Variants in CAMTA1 observed in about 807,000 individuals in gnomAD.
CAMTA1 encodes the protein calmodulin binding transcription activator 1.
In CAMTA1, 27 loss-of-function variants were observed where a neutral mutation model predicts 170.9. That is an observed-to-expected ratio of 0.16 (90% CI 0.12 to 0.22). CAMTA1 has a LOEUF of 0.22. Ranked by LOEUF, CAMTA1 falls within the 10% of genes least tolerant of loss-of-function variation. The pLI is 1.00. For missense variants in CAMTA1, 1,619 were observed against 2,217.2 expected, an observed-to-expected ratio of 0.73 and a Z score of 5.42; for synonymous variants, 833 against 891.5, an observed-to-expected ratio of 0.93 and a Z score of 1.17.
chr1:7,338,664 C>T lies in CAMTA1; in HGVS notation c.438+89038C>T, dbSNP rs144174581. Among the ~76,000 whole-genome samples the T allele has an allele frequency of 6.4e-3, 971 of 152,170 alleles. 9 individuals are homozygous for T. Among genetic ancestry groups the T allele is most frequent in the African/African-American group, 0.022 (933 of 41,494 alleles). Reference sequence around the variant, plus strand: ...AGCGATTTTCAAGTTGGTGTGTGTGCCACGAGAAAGAAAAAAAGTAGGATA... The same window carrying T: ...AGCGATTTTCAAGTTGGTGTGTGTGTCACGAGAAAGAAAAAAAGTAGGATA... On this transcript the variant is annotated intron_variant, in intron 5 of 22. Coordinates refer to ENST00000303635, the MANE Select transcript of CAMTA1 (RefSeq NM_015215.4).
chr1:7,690,689 C>G (rs541458311), intron 11 of CAMTA1, among the ~76,000 whole-genome samples: 4 of 152,262 alleles, frequency 2.6e-5, no homozygotes, highest in Non-Finnish European at 5.9e-5. Flanking sequence ...CCATGAAGTA[C>G]TGATGTGTAC....
At chr1:7,610,085 C>T (rs1576382836) in intron 6 of CAMTA1, among the ~76,000 whole-genome samples, 2 of 152,140 alleles carry the variant, frequency 1.3e-5, no homozygotes, top group South Asian at 2.1e-4. Flanking sequence ...GATTCTGCAA[C>T]GGAGAAGCAT....
At chr1:7,199,595 G>A (rs1224095189) in intron 4 of CAMTA1, among the ~76,000 whole-genome samples, 1 of 152,166 alleles carries the variant, frequency 6.6e-6, no homozygotes, top group Non-Finnish European at 1.5e-5. Context: ...CAAGGCAGCG[G>A]TGGGCACGCC....
intron 11 of CAMTA1, among the ~76,000 whole-genome samples, chr1:7,695,080 C>T (rs957448513): frequency 6.6e-6 from 1 of 152,194 alleles, no homozygotes; most frequent in African/African-American, 2.4e-5. Context: ...TGGTCTGGGT[C>T]ACCCAGGAGA....
At chr1:6,947,373 T>G (rs1242918742) in intron 3 of CAMTA1, among the ~76,000 whole-genome samples, 1 of 151,830 alleles carries the variant, frequency 6.6e-6, no homozygotes, top group African/African-American at 2.4e-5. Context: ...TTCCATTGTC[T>G]TTAATTTTTT....
intron 6 of CAMTA1, among the ~76,000 whole-genome samples, chr1:7,502,057 G>A (rs1372805680): frequency 1.3e-5 from 2 of 152,248 alleles, no homozygotes; most frequent in East Asian, 3.8e-4. Flanking sequence ...AAGCAGCAAG[G>A]CGCCTGCTGG....
chr1:7,276,303 A>ATATTTTTTTTTTTTTT, intron 5 of CAMTA1, among the ~76,000 whole-genome samples: 3 of 24,228 alleles, frequency 1.2e-4, no homozygotes, highest in Admixed American at 6.5e-4. Context: ...ATATATATAT[A>ATATTTTTTTTTTTTTT]TTTTTTTTTT....
At chr1:7,746,574 G>A (rs2150113680) in intron 18 of CAMTA1, among the ~76,000 whole-genome samples, 1 of 152,264 alleles carries the variant, frequency 6.6e-6, no homozygotes, top group South Asian at 2.1e-4. Context: ...CTGGGACAAG[G>A]GCCCATCCAT....
At chr1:7,170,983 T>G (rs1649483581) in intron 4 of CAMTA1, among the ~76,000 whole-genome samples, 1 of 152,184 alleles carries the variant, frequency 6.6e-6, no homozygotes, top group South Asian at 2.1e-4. Flanking sequence ...GTTAATCATG[T>G]TATTCAAATT....
rs577432829 is a variant in CAMTA1 at position 7,561,445 on chromosome 1, G to C, written c.511-78955G>C. Among the ~76,000 whole-genome samples, 1 of 151,900 alleles carries C rather than the reference G, an allele frequency of 6.6e-6. No homozygotes were observed. The highest frequency in any genetic ancestry group is 2.1e-4 in the South Asian group (1 of 4,816). On this transcript the variant is annotated intron_variant, in intron 6 of 22. Coordinates refer to ENST00000303635, the MANE Select transcript of CAMTA1 (RefSeq NM_015215.4). This position sits in a 1 kb window ranked among gnomAD's most constrained non-coding sequence, Gnocchi z 5.3. The stretch of plus-strand genomic sequence containing the variant: ...GGAGTCACATGGCCCCTGAGGGCAT[G>C]GGACTCTCCCTGCTGGGCACACCCC...
At chr1:7,105,863 C>T (rs1643525456) in intron 4 of CAMTA1, among the ~76,000 whole-genome samples, 1 of 151,922 alleles carries the variant, frequency 6.6e-6, no homozygotes, top group Admixed American at 6.6e-5. Context: ...ATCACCTGAG[C>T]CCAGGAGGTT....
chr1:7,485,684 G>A (rs1301701030), intron 6 of CAMTA1, among the ~76,000 whole-genome samples: 3 of 152,178 alleles, frequency 2.0e-5, no homozygotes, highest in South Asian at 2.1e-4. Flanking sequence ...CCCACCAGGC[G>A]AGGCAGGACT....
chr1:7,563,135 G>A (rs754972449), intron 6 of CAMTA1, among the ~76,000 whole-genome samples: 1 of 152,184 alleles, frequency 6.6e-6, no homozygotes, highest in South Asian at 2.1e-4. Flanking sequence ...CCTGGTCATC[G>A]GGCTGTAGCC....
rs1180994571 is a variant in CAMTA1 at position 6,875,427 on chromosome 1, C to T, written c.234+50217C>T. Among the ~76,000 whole-genome samples, 8 of 152,182 alleles carry T rather than the reference C, an allele frequency of 5.3e-5. No individual in the cohort carries two copies. In the East Asian group the frequency reaches 5.8e-4, roughly 11 times the overall value. ...CTGCCTGAGTAGCTGGGATTACAGGCGCCCGCGACCACACCTAGCTAATTT... is the reference window on the plus strand; with the variant it reads ...CTGCCTGAGTAGCTGGGATTACAGGTGCCCGCGACCACACCTAGCTAATTT... On this transcript the variant is annotated intron_variant, in intron 3 of 22. Coordinates refer to ENST00000303635, the MANE Select transcript of CAMTA1 (RefSeq NM_015215.4).
rs2095684232 is a variant in CAMTA1, at chr1:7,633,207, ACT to A, written c.511-7190_511-7189del. 6.6e-6 allele frequency among the ~76,000 whole-genome samples: 1 copy of A among 152,072 alleles called. No homozygotes were observed. Among genetic ancestry groups the A allele is most frequent in the African/African-American group, 2.4e-5 (1 of 41,402 alleles). On this transcript the variant is annotated intron_variant, in intron 6 of 22. Transcript: ENST00000303635. The surrounding 1 kb of genome is among the most constrained non-coding windows in gnomAD (Gnocchi z 4.1). ...CTAGAAAAGGTTCTCAAAGAGATTG[ACT>A]CTACCTCAGGCTCCCGGGAGATGCC...
chr1:7,485,935 G>A (rs1043417295), intron 6 of CAMTA1, among the ~76,000 whole-genome samples: 6 of 152,184 alleles, frequency 3.9e-5, no homozygotes, highest in African/African-American at 7.2e-5. Context: ...CACCTCAGCC[G>A]CCAGCTGTTG....
chr1:7,613,095 C>T (rs1488245204), intron 6 of CAMTA1, among the ~76,000 whole-genome samples: 1 of 152,170 alleles, frequency 6.6e-6, no homozygotes, highest in Admixed American at 6.5e-5. Flanking sequence ...AGCAGGTGCC[C>T]ACCAAACCCA....
At chr1:7,203,686 A>G (rs767823758) in intron 4 of CAMTA1, among the ~76,000 whole-genome samples, 1 of 151,040 alleles carries the variant, frequency 6.6e-6, no homozygotes, top group South Asian at 2.1e-4. Context: ...TCATTTCTGT[A>G]CGGTTGATAA....
intron 6 of CAMTA1, among the ~76,000 whole-genome samples, chr1:7,566,142 G>A (rs571551921): frequency 2.0e-5 from 3 of 152,286 alleles, no homozygotes; most frequent in South Asian, 2.1e-4. Context: ...AAAAAAGATG[G>A]AGGTTTTCCT....
Sources: allele counts gnomAD v4.1 joint callset (sites outside exome capture counted in the v4.1 genomes callset), GRCh38; gene constraint gnomAD v4.1.1; non-coding constraint Gnocchi (gnomAD v3.1); transcripts MANE v1.5; gene names NCBI Gene and HGNC (gene_info 2026-07-23, HGNC 2026-07-21).